The following GPC6 variants were observed in gnomAD, a reference collection of about 807,000 sequenced individuals.
GPC6 encodes glypican-6.
A neutral mutation model predicts 55.2 loss-of-function variants in GPC6; 14 were observed. The ratio of observed to expected loss-of-function variants is 0.25; its 90% CI spans 0.17 to 0.40. The LOEUF is 0.40. Ranked by LOEUF, GPC6 falls within the 10% of genes least tolerant of loss-of-function variation. The pLI is 1.00. For synonymous variants in GPC6, 278 were observed against 259.6 expected, an observed-to-expected ratio of 1.07 and a Z score of -0.68; for missense variants, 641 against 708.5, an observed-to-expected ratio of 0.90 and a Z score of 1.08.
At chr13:93,524,854 T>G (rs1452495161) in intron 1 of GPC6, among the ~76,000 whole-genome samples, 1 of 152,082 alleles carries the variant, frequency 6.6e-6, no homozygotes, top group African/African-American at 2.4e-5. Flanking sequence ...ACTGAATGTG[T>G]GTATGTACCT....
intron 6 of GPC6, among the ~76,000 whole-genome samples, chr13:94,349,013 A>G (rs375506515): frequency 6.6e-6 from 1 of 152,208 alleles, no homozygotes; most frequent in Admixed American, 6.5e-5. Flanking sequence ...TAACAAATAC[A>G]TGTGCCTACG....
chr13:94,063,099 G>A (rs934000622), intron 4 of GPC6, among the ~76,000 whole-genome samples: 4 of 152,172 alleles, frequency 2.6e-5, no homozygotes, highest in African/African-American at 9.7e-5. Flanking sequence ...GGTCACTCCA[G>A]AGATGAATAC....
chr13:94,396,484 C>T (rs986201658), intron 7 of GPC6, among the ~76,000 whole-genome samples: 1 of 152,234 alleles, frequency 6.6e-6, no homozygotes, highest in African/African-American at 2.4e-5. Flanking sequence ...GATTTCAGCA[C>T]CAACTCACTC....
In GPC6 at chr13:94,405,675, C is replaced by T. The variant is rs1039040996; in HGVS notation, c.*2458C>T. On this transcript the variant is annotated 3_prime_UTR_variant, in exon 9 of 9. Transcript: ENST00000377047. ...AAACACACAGTTAATATATAAACGCCTGCTTCATTTGTTTCAACACCTTCA... is the reference window on the plus strand; with the variant it reads ...AAACACACAGTTAATATATAAACGCTTGCTTCATTTGTTTCAACACCTTCA... 27 of 152,116 alleles carry T rather than the reference C, an allele frequency of 1.8e-4. No homozygotes were observed. The highest frequency in any genetic ancestry group is 6.5e-4 in the African/African-American group (27 of 41,424). 9.4% of individuals were successfully genotyped at this position (152,116 alleles called of 1,614,324 possible).
At chr13:94,224,066 G>GT (rs1440476389) in intron 4 of GPC6, among the ~76,000 whole-genome samples, 1 of 151,970 alleles carries the variant, frequency 6.6e-6, no homozygotes, top group Non-Finnish European at 1.5e-5. Flanking sequence ...AAAATGGTCC[G>GT]TAAGTGTAGG....
chr13:94,139,675 T>G (rs1593976883), intron 4 of GPC6, among the ~76,000 whole-genome samples: 1 of 152,186 alleles, frequency 6.6e-6, no homozygotes, highest in African/African-American at 2.4e-5. Flanking sequence ...CAGTGCTATT[T>G]CCTGTATTCT....
At chr13:93,912,155 G>T (rs1210211066) in intron 3 of GPC6, among the ~76,000 whole-genome samples, 1 of 152,080 alleles carries the variant, frequency 6.6e-6, no homozygotes, top group Non-Finnish European at 1.5e-5. Flanking sequence ...AAATATATGG[G>T]TATATGAAAA....
At chr13:93,242,100 G>T (rs1876452800) in intron 1 of GPC6, among the ~76,000 whole-genome samples, 2 of 152,074 alleles carry the variant, frequency 1.3e-5, no homozygotes, top group Admixed American at 1.3e-4. Flanking sequence ...TATTTTTTCA[G>T]TGGGTTGAAC....
chr13:93,562,346 T>A (rs1253481767), intron 2 of GPC6, among the ~76,000 whole-genome samples: 1 of 152,108 alleles, frequency 6.6e-6, no homozygotes, highest in Admixed American at 6.6e-5. Flanking sequence ...ATTTTAAACG[T>A]ATAACATATG....
chr13:93,571,509 C>A (rs1876403426), intron 2 of GPC6, among the ~76,000 whole-genome samples: 2 of 152,098 alleles, frequency 1.3e-5, no homozygotes, highest in Admixed American at 1.3e-4. Context: ...CTTCAGAAAT[C>A]CATTTACTTT....
chr13:93,400,287 C>A (rs2139230830), intron 1 of GPC6, among the ~76,000 whole-genome samples: 1 of 150,520 alleles, frequency 6.6e-6, no homozygotes, highest in Non-Finnish European at 1.5e-5. Flanking sequence ...TTTCTTCTAC[C>A]ATTCAACACA....
chr13:93,895,929 A>G (rs1001210000), intron 3 of GPC6, among the ~76,000 whole-genome samples: 2 of 152,060 alleles, frequency 1.3e-5, no homozygotes, highest in Non-Finnish European at 2.9e-5. Flanking sequence ...TTAAGGGTAC[A>G]AAAGTCCAGT....
intron 4 of GPC6, among the ~76,000 whole-genome samples, chr13:94,113,172 T>A (rs1886311603): frequency 6.6e-6 from 1 of 152,162 alleles, no homozygotes. Context: ...TTTTCTAATT[T>A]TAACCTAAGA....
chr13:93,649,412 T>G (rs1471788739), intron 2 of GPC6, among the ~76,000 whole-genome samples: 1 of 152,200 alleles, frequency 6.6e-6, no homozygotes, highest in Non-Finnish European at 1.5e-5. Context: ...TAATCACCAC[T>G]GCACTCCAGC....
intron 4 of GPC6, among the ~76,000 whole-genome samples, chr13:94,200,277 A>T (rs903000071): frequency 2.5e-4 from 38 of 152,212 alleles, no homozygotes; most frequent in African/African-American, 8.4e-4. Flanking sequence ...TTCTAAAATA[A>T]TATGCTGGCT....
intron 4 of GPC6, among the ~76,000 whole-genome samples, chr13:94,132,283 A>G (rs1304505959): frequency 6.6e-6 from 1 of 152,140 alleles, no homozygotes; most frequent in East Asian, 1.9e-4. Flanking sequence ...CAGTGTAGTT[A>G]TATTTCCCTG....
intron 4 of GPC6, among the ~76,000 whole-genome samples, chr13:94,065,532 T>C (rs756451861): frequency 6.6e-6 from 1 of 152,190 alleles, no homozygotes; most frequent in Non-Finnish European, 1.5e-5. Context: ...CAACTGACAA[T>C]ATTAAATAGT....
chr13:93,231,380 C>CATATATATATATATATAT (rs1204996148), intron 1 of GPC6, among the ~76,000 whole-genome samples: 3 of 30,940 alleles, frequency 9.7e-5, no homozygotes, highest in Admixed American at 8.6e-4. Context: ...TATATATATA[C>CATATATATATATATATAT]ATATATATAT....
At chr13:93,276,500 G>A (rs1877755712) in intron 1 of GPC6, among the ~76,000 whole-genome samples, 1 of 95,402 alleles carries the variant, frequency 1.0e-5, no homozygotes, top group Non-Finnish European at 2.1e-5. Context: ...GAGAGAGTGT[G>A]TGTGTGTGTG....
Sources: gnomAD v4.1 joint callset for allele counts (sites outside exome capture counted in the v4.1 genomes callset) on GRCh38, gnomAD v4.1.1 for gene constraint, MANE v1.5 for transcripts, NCBI Gene and HGNC (gene_info 2026-07-23, HGNC 2026-07-21) for gene names.